Variants in CD244 observed in about 807,000 individuals in gnomAD.
CD244 encodes the protein CD244 molecule, also known as natural killer cell receptor 2B4.
In CD244, 20 loss-of-function variants were observed where a neutral mutation model predicts 45.5. The observed-to-expected ratio is 0.44, with a 90% CI of 0.31 to 0.64. The LOEUF (loss-of-function observed/expected upper bound fraction) is 0.64. Among genes scored for constraint, CD244 ranks in the 30% least tolerant of loss-of-function variants. The probability of loss-of-function intolerance (pLI) is 0.08; values close to 1 mark genes in which losing one functional copy is unlikely to be tolerated. For synonymous variants in CD244, 185 were observed against 160.5 expected (o/e 1.15, Z -1.15); for missense variants, 407 against 426.9 (o/e 0.95, Z 0.41).
chr1:160,852,974 G>A (rs1019386861), intron 1 of CD244, among the ~76,000 whole-genome samples: 2 of 152,106 alleles, frequency 1.3e-5, no homozygotes, highest in Non-Finnish European at 2.9e-5. Context: ...AGTGAGCCAA[G>A]ATCATGCCAT....
rs956658116 is a variant in CD244, at chr1:160,841,693, C to G, written c.270G>C (p.Leu90Phe). 5 of 1,614,194 alleles carry G rather than the reference C, an allele frequency of 3.1e-6. No homozygotes were observed. Among genetic ancestry groups the G allele is most frequent in the Non-Finnish European group, 4.2e-6 (5 of 1,180,020 alleles). ...NDRFSFIVKN[L>F]SLLIKAAQQQ... is the part of the protein sequence containing the mutation. ...GCTGAGCTGCCTTGATGAGAAGACT[C>G]AAGTTCTTGACTATAAAACTGAATC... Residue 90 changes from leucine (L) to phenylalanine (F), a missense_variant, in exon 2 of 9, where the codon TTG (leucine) becomes TTC (phenylalanine). Coordinates refer to ENST00000368034, the MANE Select transcript of CD244 (RefSeq NM_016382.4).
chr1:160,840,742 G>A (rs1669511600), intron 3 of CD244, among the ~76,000 whole-genome samples: 1 of 152,100 alleles, frequency 6.6e-6, no homozygotes, highest in Non-Finnish European at 1.5e-5. Flanking sequence ...CTCTTAGGAT[G>A]AGCATAAGCA....
intron 6 of CD244, among the ~76,000 whole-genome samples, chr1:160,835,402 C>G (rs1406462454): frequency 6.6e-6 from 1 of 152,130 alleles, no homozygotes; most frequent in Non-Finnish European, 1.5e-5. Flanking sequence ...GGAATGTAGA[C>G]CACATCTAAA....
chr1:160,838,354 C>T (rs1483533982), intron 5 of CD244, 97 bp downstream of exon 5: 17 of 888,114 alleles, frequency 1.9e-5, no homozygotes, highest in Middle Eastern at 2.1e-4. Context: ...AAAGGACAGT[C>T]GTTCAGTCCT....
intron 5 of CD244, among the ~76,000 whole-genome samples, chr1:160,837,468 C>G (rs1669373226): frequency 6.6e-6 from 1 of 152,144 alleles, no homozygotes; most frequent in Admixed American, 6.5e-5. Context: ...CCCATAGCCA[C>G]TGCTGGGGCA....
chr1:160,849,279 C>CTTTTT (rs1237558315), intron 1 of CD244, among the ~76,000 whole-genome samples: 2 of 108,260 alleles, frequency 1.8e-5, no homozygotes, highest in African/African-American at 7.9e-5. Context: ...GTACCCATCT[C>CTTTTT]TTTCTTTTTT....
At chr1:160,832,110 G>A (rs962168463) in intron 8 of CD244, among the ~76,000 whole-genome samples, 8 of 152,038 alleles carry the variant, frequency 5.3e-5, no homozygotes, top group African/African-American at 1.9e-4. Flanking sequence ...AGAAGATTAA[G>A]CTCACCTATG....
intron 1 of CD244, among the ~76,000 whole-genome samples, chr1:160,843,817 T>C (rs1052429563): frequency 1.3e-5 from 2 of 152,246 alleles, no homozygotes; most frequent in African/African-American, 4.8e-5. Context: ...CATTTCTGAC[T>C]GTTGTTCCCT....
chr1:160,844,909 A>G (rs972212818), intron 1 of CD244, among the ~76,000 whole-genome samples: 1 of 152,126 alleles, frequency 6.6e-6, no homozygotes, highest in Non-Finnish European at 1.5e-5. Flanking sequence ...CGGGAGATGG[A>G]GCTTGCAGTG....
chr1:160,846,054 C>CT (rs200526502), intron 1 of CD244, among the ~76,000 whole-genome samples: 197 of 149,108 alleles, frequency 1.3e-3, no homozygotes, highest in Non-Finnish European at 4.8e-4. Context: ...GGAATGGTAT[C>CT]TTTTTTTTTT....
intron 6 of CD244, 22 bp downstream of exon 6, chr1:160,836,173 A>G: frequency 6.3e-7 from 1 of 1,594,520 alleles, no homozygotes; most frequent in Non-Finnish European, 8.6e-7. Flanking sequence ...TATGGAATGG[A>G]CTAGAGAAAC....
At chr1:160,834,889 T>C (rs1669274628) in intron 6 of CD244, among the ~76,000 whole-genome samples, 1 of 152,158 alleles carries the variant, frequency 6.6e-6, no homozygotes, top group Admixed American at 6.5e-5. Context: ...GTAAACATTC[T>C]CCTTTTAAGA....
intron 1 of CD244, among the ~76,000 whole-genome samples, chr1:160,852,680 T>G (rs1003371615): frequency 6.6e-5 from 10 of 152,158 alleles, no homozygotes; most frequent in Admixed American, 2.0e-4. Context: ...TTACGGTATC[T>G]TCTAAAACTA....
At chr1:160,846,170 G>A (rs1669728478) in intron 1 of CD244, among the ~76,000 whole-genome samples, 1 of 152,068 alleles carries the variant, frequency 6.6e-6, no homozygotes, top group Non-Finnish European at 1.5e-5. Context: ...AGTATACACT[G>A]CACTCTATTT....
At chr1:160,856,906 T>TC (rs1670128949) in intron 1 of CD244, among the ~76,000 whole-genome samples, 1 of 151,172 alleles carries the variant, frequency 6.6e-6, no homozygotes. Flanking sequence ...GGAAAAAAAA[T>TC]TGCAAACTAT....
At chr1:160,854,914 C>T (rs2101892116) in intron 1 of CD244, among the ~76,000 whole-genome samples, 1 of 152,224 alleles carries the variant, frequency 6.6e-6, no homozygotes, top group South Asian at 2.1e-4. Flanking sequence ...GTAGGAAGCC[C>T]ACAGAAAAGG....
intron 1 of CD244, among the ~76,000 whole-genome samples, chr1:160,846,860 G>T (rs1327398425): frequency 6.6e-6 from 1 of 152,178 alleles, no homozygotes; most frequent in Non-Finnish European, 1.5e-5. Context: ...GACAATAAAA[G>T]TGGGGGGATA....
chr1:160,838,039 C>G (rs1669394028), intron 5 of CD244, among the ~76,000 whole-genome samples: 1 of 152,240 alleles, frequency 6.6e-6, no homozygotes, highest in Non-Finnish European at 1.5e-5. Flanking sequence ...AGCTACAAAA[C>G]TATTATGCTT....
In CD244 at chr1:160,841,179, C is replaced by T. The variant is rs567630496; in HGVS notation, c.655+31G>A. ...CTGGTTGCGGGGTCCAAACCTTCAG[C>T]GCTTGTTATAGCCCAGTGTGTTCCA... On this transcript the variant is annotated intron_variant, in intron 3 of 8. Transcript: ENST00000368034. 25 of 1,609,500 alleles carry T rather than the reference C, an allele frequency of 1.6e-5. 1 individual carries two copies. The highest frequency in any genetic ancestry group is 8.9e-5 in the East Asian group (4 of 44,820).
Sources: gnomAD v4.1 joint callset for allele counts (sites outside exome capture counted in the v4.1 genomes callset) on GRCh38, gnomAD v4.1.1 for gene constraint, MANE v1.5 for transcripts, NCBI Gene and HGNC (gene_info 2026-07-23, HGNC 2026-07-21) for gene names.